TMEM178B: variants seen among roughly 807,000 people sequenced by gnomAD.
The protein encoded by TMEM178B is transmembrane protein 178B.
Under a neutral mutation model 31.0 loss-of-function variants are expected in TMEM178B, and 5 were observed. The observed-to-expected ratio is 0.16, with a 90% confidence interval of 0.08 to 0.34. The LOEUF is 0.34. Ranked by LOEUF, TMEM178B falls within the 10% of genes least tolerant of loss-of-function variation. TMEM178B has a pLI of 1.00. For missense variants in TMEM178B, 275 were observed against 400.3 expected, an observed-to-expected ratio of 0.69 and a Z score of 2.67; for synonymous variants, 164 against 164.0, an observed-to-expected ratio of 1.00 and a Z score of 0.00.
At chr7:141,293,198 C>A (rs1343742863) in intron 2 of TMEM178B, among the ~76,000 whole-genome samples, 1 of 152,166 alleles carries the variant, frequency 6.6e-6, no homozygotes, top group African/African-American at 2.4e-5. Flanking sequence ...GATACAAGAC[C>A]TGACTTTAGT....
At chr7:141,366,823 G>A (rs1800013633) in intron 2 of TMEM178B, among the ~76,000 whole-genome samples, 1 of 152,012 alleles carries the variant, frequency 6.6e-6, no homozygotes, top group Non-Finnish European at 1.5e-5. Flanking sequence ...GCTAACCTCT[G>A]GTTAATTTCA....
chr7:141,288,067 C>G (rs1233353574), intron 2 of TMEM178B, among the ~76,000 whole-genome samples: 1 of 152,150 alleles, frequency 6.6e-6, no homozygotes, highest in Non-Finnish European at 1.5e-5. Context: ...GATGCCCTGA[C>G]CCCTGTGGCA....
At chr7:141,383,426 T>TA (rs1188549107) in intron 2 of TMEM178B, among the ~76,000 whole-genome samples, 5 of 145,866 alleles carry the variant, frequency 3.4e-5, no homozygotes, top group African/African-American at 1.3e-4. Flanking sequence ...TGTCCAAGTG[T>TA]TCTCATTATT....
At chr7:141,204,303 A>G (rs749764786) in intron 1 of TMEM178B, among the ~76,000 whole-genome samples, 7 of 152,160 alleles carry the variant, frequency 4.6e-5, no homozygotes, top group Non-Finnish European at 8.8e-5. Flanking sequence ...AGCATCTCAT[A>G]ATTACTCTCC....
intron 3 of TMEM178B, among the ~76,000 whole-genome samples, chr7:141,465,192 T>C (rs1312269148): frequency 6.6e-6 from 1 of 152,186 alleles, no homozygotes; most frequent in Non-Finnish European, 1.5e-5. Flanking sequence ...ACGGACTCTT[T>C]TCTGAGTAGA....
intron 2 of TMEM178B, among the ~76,000 whole-genome samples, chr7:141,377,315 C>G (rs1212379000): frequency 6.6e-6 from 1 of 151,902 alleles, no homozygotes; most frequent in African/African-American, 2.4e-5. Context: ...TCCCTAGCAG[C>G]TGGGATTACA....
chr7:141,339,038 G>A (rs1050453216), intron 2 of TMEM178B, among the ~76,000 whole-genome samples: 3 of 152,192 alleles, frequency 2.0e-5, no homozygotes, highest in Non-Finnish European at 4.4e-5. Flanking sequence ...ATGTGTATGC[G>A]TGTGTTTGTG....
chr7:141,442,781 C>T (rs1801685549), intron 3 of TMEM178B, among the ~76,000 whole-genome samples: 2 of 152,196 alleles, frequency 1.3e-5, no homozygotes, highest in South Asian at 4.1e-4. Flanking sequence ...TTGAGTAGCA[C>T]CCTCTTTATT....
chr7:141,353,103 C>G (rs1008470304), intron 2 of TMEM178B, among the ~76,000 whole-genome samples: 9 of 152,162 alleles, frequency 5.9e-5, no homozygotes, highest in African/African-American at 2.2e-4. Flanking sequence ...CCACCACCAC[C>G]TTGGTTCAGT....
At chr7:141,274,161 C>T (rs1177904833) in intron 2 of TMEM178B, among the ~76,000 whole-genome samples, 2 of 152,230 alleles carry the variant, frequency 1.3e-5, no homozygotes, top group Non-Finnish European at 2.9e-5. Context: ...CCCCGCCTTA[C>T]TTTTTCTTCC....
chr7:141,337,669 G>A (rs2116504791), intron 2 of TMEM178B, among the ~76,000 whole-genome samples: 1 of 152,292 alleles, frequency 6.6e-6, no homozygotes, highest in African/African-American at 2.4e-5. Flanking sequence ...ATTTATGTGT[G>A]TGCTTTTGTA....
At chr7:141,431,089 C>A (rs1166975098) in intron 2 of TMEM178B, 1 of 151,944 alleles carries the variant, frequency 6.6e-6, no homozygotes, top group Admixed American at 6.6e-5. Flanking sequence ...ATGAATCCAG[C>A]GGTATTGATG....
chr7:141,296,740 T>C (rs1798641070), intron 2 of TMEM178B, among the ~76,000 whole-genome samples: 1 of 152,200 alleles, frequency 6.6e-6, no homozygotes, highest in South Asian at 2.1e-4. Context: ...CTTGCATCAC[T>C]CTAGTGCAAT....
At chr7:141,373,571 A>C (rs1478549115) in intron 2 of TMEM178B, among the ~76,000 whole-genome samples, 2 of 152,184 alleles carry the variant, frequency 1.3e-5, no homozygotes, top group African/African-American at 4.8e-5. Context: ...CCAACTTATG[A>C]GGTGCTCTAG....
chr7:141,242,216 C>T (rs1354446802), intron 2 of TMEM178B, among the ~76,000 whole-genome samples: 1 of 56,732 alleles, frequency 1.8e-5, no homozygotes, highest in Non-Finnish European at 3.7e-5. Flanking sequence ...TCCTACCAAA[C>T]AAAGTTGTGT....
At chr7:141,482,687 T>C (rs2116748615), downstream of TMEM178B, among the ~76,000 whole-genome samples, 1 of 152,266 alleles carries the variant, frequency 6.6e-6, no homozygotes, top group Non-Finnish European at 1.5e-5. Flanking sequence ...CTCAGGGTTA[T>C]GGTTTATTAC....
chr7:141,242,973 C>A (rs1797652431), intron 2 of TMEM178B, among the ~76,000 whole-genome samples: 1 of 152,092 alleles, frequency 6.6e-6, no homozygotes, highest in Non-Finnish European at 1.5e-5. Context: ...CTTTCTCCTC[C>A]TTTTGCATCT....
At chr7:141,409,252 A>C (rs1296953143) in intron 2 of TMEM178B, among the ~76,000 whole-genome samples, 1 of 152,192 alleles carries the variant, frequency 6.6e-6, no homozygotes, top group Non-Finnish European at 1.5e-5. Context: ...GCCACTGCAG[A>C]TGGCTGGCAA....
chr7:141,171,970 T>C lies in TMEM178B; in HGVS notation c.383-40621T>C, dbSNP rs1796356937. ...GAGTACCTATTGTGTGCTAGTGCTGTGATTGCGACCATTTATTGTGTACTT... is the reference window on the plus strand; with the variant it reads ...GAGTACCTATTGTGTGCTAGTGCTGCGATTGCGACCATTTATTGTGTACTT... On this transcript the variant is annotated intron_variant, in intron 1 of 3. Transcript: ENST00000565468. This position sits in a 1 kb window ranked among gnomAD's most constrained non-coding sequence, Gnocchi z 4.3. Among the ~76,000 whole-genome samples the C allele has an allele frequency of 6.6e-6, 1 of 152,212 alleles. No individual in the cohort carries two copies. Among genetic ancestry groups the C allele is most frequent in the Non-Finnish European group, 1.5e-5 (1 of 68,030 alleles).
Sources: gnomAD v4.1 joint callset for allele counts (sites outside exome capture counted in the v4.1 genomes callset) on GRCh38, gnomAD v4.1.1 for gene constraint, Gnocchi (gnomAD v3.1) non-coding constraint, MANE v1.5 for transcripts, NCBI Gene and HGNC (gene_info 2026-07-23, HGNC 2026-07-21) for gene names.